LMF1: variants seen among roughly 807,000 people sequenced by gnomAD.
The protein encoded by LMF1 is transmembrane protein 112.
Under a neutral mutation model 60.6 loss-of-function variants are expected in LMF1, and 68 were observed. The observed-to-expected ratio is 1.12, with a 90% CI of 0.92 to 1.37. LMF1 has a LOEUF of 1.37. Ranked by LOEUF, LMF1 falls within the 40% of genes most tolerant of loss-of-function variation. The pLI, the probability that LMF1 is intolerant of heterozygous loss-of-function variation, is 0.00. For missense variants in LMF1, 948 were observed against 767.2 expected, an observed-to-expected ratio of 1.24 and a Z score of -2.78; for synonymous variants, 418 against 324.7, an observed-to-expected ratio of 1.29 and a Z score of -3.09.
upstream of LMF1, among the ~76,000 whole-genome samples, chr16:971,299 G>T (rs2151499403): frequency 6.6e-6 from 1 of 152,382 alleles, no homozygotes; most frequent in Non-Finnish European, 1.5e-5. Flanking sequence ...CCTTCCGTCA[G>T]TCCGAGTTGC....
chr16:855,143 C>G, intron 10 of LMF1: 1 of 274,466 alleles, frequency 3.6e-6, no homozygotes, highest in Middle Eastern at 1.4e-3. Flanking sequence ...CAGGCCAGTC[C>G]TGGCGCAAGG....
At chr16:855,483 C>A in intron 10 of LMF1, 2 of 357,414 alleles carry the variant, frequency 5.6e-6, no homozygotes, top group South Asian at 2.1e-5. Context: ...GAGGACTGGG[C>A]ATTTTCTCCT....
intron 1 of LMF1, among the ~76,000 whole-genome samples, chr16:966,080 G>C (rs1189404571): frequency 2.6e-5 from 4 of 152,210 alleles, no homozygotes; most frequent in Admixed American, 1.3e-4. Flanking sequence ...GGCTAAGTCT[G>C]AAGGCCAGAA....
At chr16:958,817 G>A (rs2072761101) in intron 1 of LMF1, among the ~76,000 whole-genome samples, 2 of 152,240 alleles carry the variant, frequency 1.3e-5, no homozygotes, top group South Asian at 4.1e-4. Context: ...AACCCAGGAG[G>A]CGGAGGTTGG....
intron 3 of LMF1, among the ~76,000 whole-genome samples, chr16:918,035 G>A (rs760364831): frequency 3.9e-5 from 6 of 152,246 alleles, no homozygotes; most frequent in East Asian, 1.9e-4. Context: ...GGGACGTGGC[G>A]CGGGGCGGCT....
rs76907139 is a variant in LMF1 at position 933,583 on chromosome 16, C to T, written c.514+661G>A. ...GGCCAGGGCCTTTACCAGCAAAGAC[C>T]GGCCCCTCTGCCTGCGCCCTGAGGT... On this transcript the variant is annotated intron_variant, in intron 3 of 10. Coordinates refer to ENST00000262301, the MANE Select transcript of LMF1 (RefSeq NM_022773.4). 7.6e-3 allele frequency: 1,453 copies of T among 190,678 alleles called. 13 individuals are homozygous for T. Among genetic ancestry groups the T allele is most frequent in the African/African-American group, 0.026 (1,126 of 42,638 alleles). 11.8% of individuals were successfully genotyped at this position (190,678 alleles called of 1,614,324 possible).
chr16:947,223 T>C (rs1199108056), intron 2 of LMF1, among the ~76,000 whole-genome samples: 1 of 152,182 alleles, frequency 6.6e-6, no homozygotes, highest in African/African-American at 2.4e-5. Flanking sequence ...CCTTGTGAAA[T>C]GAAAAGGACG....
intron 10 of LMF1, among the ~76,000 whole-genome samples, chr16:861,528 G>A (rs1271881538): frequency 6.6e-6 from 1 of 151,664 alleles, no homozygotes; most frequent in Non-Finnish European, 1.5e-5. Flanking sequence ...TGGCTAATTT[G>A]AATTTTTTTT....
At chr16:955,613 G>A (rs2072680123) in intron 1 of LMF1, among the ~76,000 whole-genome samples, 1 of 152,272 alleles carries the variant, frequency 6.6e-6, no homozygotes. Context: ...GACGCAGTGT[G>A]TGCATCCACG....
At chr16:893,838 T>C (rs1434135221) in intron 4 of LMF1, among the ~76,000 whole-genome samples, 1 of 152,090 alleles carries the variant, frequency 6.6e-6, no homozygotes, top group Non-Finnish European at 1.5e-5. Flanking sequence ...AAATCACCGC[T>C]GAGACACAGA....
At chr16:868,825 T>C (rs2069686827) in intron 10 of LMF1, 119 bp downstream of exon 10, 3 of 651,938 alleles carry the variant, frequency 4.6e-6, no homozygotes, top group Non-Finnish European at 8.3e-6. Flanking sequence ...CTCCTGCCTC[T>C]GCGGGAGGGA....
In LMF1 at chr16:854,628, C is replaced by G; in HGVS notation, c.1608G>C (p.Val536=). 1 of 1,607,410 alleles carries G rather than the reference C, an allele frequency of 6.2e-7. No homozygotes were observed. The highest frequency in any genetic ancestry group is 8.5e-7 in the Non-Finnish European group (1 of 1,178,446). ...GGAAGTAGGCTCCGATCCTCTTCCG[C>G]ACCCACCACTTGCCCTCGGCGGCGT... ...GRHAAEGKWW[V]RKRIGAYFPP... Residue 536 remains valine (V), a synonymous_variant, in exon 11 of 11, where the codon GTG becomes GTC. Coordinates refer to ENST00000262301, the MANE Select transcript of LMF1 (RefSeq NM_022773.4).
chr16:860,385 G>A (rs1355987513), intron 10 of LMF1, among the ~76,000 whole-genome samples: 4 of 151,774 alleles, frequency 2.6e-5, no homozygotes, highest in Non-Finnish European at 5.9e-5. Flanking sequence ...TGTTGCCCAG[G>A]CTGGAGTGTG....
At chr16:924,291 T>C (rs1283131998) in intron 3 of LMF1, among the ~76,000 whole-genome samples, 2 of 152,208 alleles carry the variant, frequency 1.3e-5, no homozygotes, top group African/African-American at 4.8e-5. Flanking sequence ...CAGAGTTAAG[T>C]GCAGGAAGTG....
chr16:864,975 G>C (rs1453171147), intron 10 of LMF1, among the ~76,000 whole-genome samples: 1 of 152,018 alleles, frequency 6.6e-6, no homozygotes, highest in Admixed American at 6.6e-5. Context: ...ATATACAGTC[G>C]GTCATTTTAC....
rs115401269 is a variant in LMF1, at chr16:888,210, C to T, written c.729+4797G>A. ...TCCTGCAGGCAGCAAGGGAAGTGGC[C>T]GTGGGTCCCTGCCCGCCCAGGCCCT... On this transcript the variant is annotated intron_variant, in intron 5 of 10. Transcript: ENST00000262301. Among the ~76,000 whole-genome samples the T allele has an allele frequency of 3.9e-3, 596 of 152,242 alleles. 2 individuals are homozygous for T. The highest frequency in any genetic ancestry group is 0.013 in the African/African-American group (540 of 41,540).
At chr16:978,979 C>T (rs1348442705) in intron 1 of LMF1, 1 of 454,006 alleles carries the variant, frequency 2.2e-6, no homozygotes, top group South Asian at 1.6e-5. Context: ...TTTCCCAGAC[C>T]ATCCTTCCTG....
At chr16:971,748 G>T (rs573892377), upstream of LMF1, among the ~76,000 whole-genome samples, 8 of 152,320 alleles carry the variant, frequency 5.3e-5, no homozygotes, top group South Asian at 1.7e-3. Flanking sequence ...GAAGGGCTGG[G>T]GTCACAGGCA....
intron 10 of LMF1, among the ~76,000 whole-genome samples, chr16:868,267 CTCCTGCT>C (rs909417872): frequency 3.9e-5 from 6 of 152,132 alleles, no homozygotes; most frequent in African/African-American, 1.4e-4. Context: ...CCATCCCTGC[CTCCTGCT>C]CCTCTTCTGA....
Sources: allele counts gnomAD v4.1 joint callset (sites outside exome capture counted in the v4.1 genomes callset), GRCh38; gene constraint gnomAD v4.1.1; transcripts MANE v1.5; gene names NCBI Gene and HGNC (gene_info 2026-07-23, HGNC 2026-07-21).